GLIPR1L2: variants seen among roughly 807,000 people sequenced by gnomAD.
The protein encoded by GLIPR1L2 is GLIPR1-like protein 2.
GLIPR1L2 carries 21 observed loss-of-function variants against 28.4 expected under a neutral mutation model. The observed-to-expected ratio is 0.74, with a 90% CI of 0.52 to 1.06. GLIPR1L2 has a LOEUF of 1.06. Among genes scored for constraint, GLIPR1L2 ranks in the 50% least tolerant of loss-of-function variants. The probability of loss-of-function intolerance (pLI) is 0.00; values close to 1 mark genes in which losing one functional copy is unlikely to be tolerated. For missense variants in GLIPR1L2, 476 were observed against 416.9 expected (o/e 1.14, Z -1.23); for synonymous variants, 145 against 139.3 (o/e 1.04, Z -0.29).
At chr12:75,420,876 C>A (rs1434819741) in intron 3 of GLIPR1L2, among the ~76,000 whole-genome samples, 1 of 152,178 alleles carries the variant, frequency 6.6e-6, no homozygotes, top group Non-Finnish European at 1.5e-5. Context: ...AGAGGGGACT[C>A]ATTGTAGTCT....
intron 1 of GLIPR1L2, among the ~76,000 whole-genome samples, chr12:75,392,326 A>G (rs747708031): frequency 3.3e-5 from 5 of 152,136 alleles, no homozygotes; most frequent in Non-Finnish European, 7.4e-5. Context: ...CCACATCCTC[A>G]CTGATTTGGA....
chr12:75,424,301 C>A (rs2046011058), intron 4 of GLIPR1L2, among the ~76,000 whole-genome samples: 1 of 152,210 alleles, frequency 6.6e-6, no homozygotes, highest in Admixed American at 6.5e-5. Flanking sequence ...TTTTGATTTG[C>A]ATTTCTCTAA....
At chr12:75,414,401 G>A (rs895972534) in intron 3 of GLIPR1L2, among the ~76,000 whole-genome samples, 1 of 152,078 alleles carries the variant, frequency 6.6e-6, no homozygotes, top group East Asian at 1.9e-4. Context: ...TAAATAAACA[G>A]TAAGAATTGA....
chr12:75,396,191 A>T (rs949642188), intron 1 of GLIPR1L2, among the ~76,000 whole-genome samples: 2 of 151,878 alleles, frequency 1.3e-5, no homozygotes, highest in Admixed American at 6.6e-5. Flanking sequence ...TTGAGACAGG[A>T]TCTCACTCTC....
At chr12:75,393,626 TG>T (rs957877723) in intron 1 of GLIPR1L2, among the ~76,000 whole-genome samples, 8 of 152,148 alleles carry the variant, frequency 5.3e-5, no homozygotes, top group African/African-American at 1.9e-4. Flanking sequence ...TACCACATTT[TG>T]TTTATCCATT....
In GLIPR1L2 at chr12:75,394,763, CAAAAAA is replaced by C. The variant is rs71078727; in HGVS notation, c.234+3429_234+3434del. Among the ~76,000 whole-genome samples the C allele has an allele frequency of 7.5e-5, 6 of 80,252 alleles. No individual in the cohort carries two copies. In the South Asian group the frequency reaches 1.5e-3, roughly 20 times the overall value. 52.6% of individuals were successfully genotyped at this position (80,252 alleles called of 152,430 possible). A position where few individuals can be genotyped will look rare whatever the true frequency, so the allele number is the denominator to read the frequency against. ...TTTGAGATGTATTTTTGTATTTCTG[CAAAAAA>C]AAAAAAAAAAAAAAACATTATTGGG... On this transcript the variant is annotated intron_variant, in intron 1 of 5. Transcript: ENST00000550916.
intron 3 of GLIPR1L2, among the ~76,000 whole-genome samples, chr12:75,421,923 A>G (rs1329034004): frequency 1.3e-5 from 2 of 152,124 alleles, no homozygotes; most frequent in Non-Finnish European, 2.9e-5. Flanking sequence ...CTTTTTATGT[A>G]TTTGGGCCAA....
Position 75,413,623 on chromosome 12 carries a change from T to C in GLIPR1L2, c.506T>C (p.Val169Ala), listed in dbSNP as rs1315443961. 6.4e-7 allele frequency: 1 copy of C among 1,560,680 alleles called. No homozygotes were observed. Residue 169 changes from valine to alanine, a missense_variant, in exon 3 of 6, where the codon GTT becomes GCT. By Grantham distance (64) the Val-to-Ala change is moderately conservative. Coordinates refer to ENST00000550916, the MANE Select transcript of GLIPR1L2 (RefSeq NM_001270396.2). ...CTTGTTTGGGACCACTCTTACAAAG[T>C]TGGTTGTGCTGTTACTCCATGTTCA... ...IQLVWDHSYK[V>A]GCAVTPCSKI...
At chr12:75,411,862 CAG>C (rs1439839587) in intron 2 of GLIPR1L2, among the ~76,000 whole-genome samples, 1 of 151,862 alleles carries the variant, frequency 6.6e-6, no homozygotes, top group Non-Finnish European at 1.5e-5. Flanking sequence ...CAAAACAAAA[CAG>C]TACTTTTTGG....
chr12:75,420,287 T>C (rs2045963933), intron 3 of GLIPR1L2, among the ~76,000 whole-genome samples: 2 of 152,192 alleles, frequency 1.3e-5, no homozygotes, highest in Admixed American at 1.3e-4. Flanking sequence ...ATGAACAAGA[T>C]GGTGGCAGAT....
chr12:75,429,511 T>C (rs1034627428), intron 4 of GLIPR1L2, among the ~76,000 whole-genome samples: 1 of 152,152 alleles, frequency 6.6e-6, no homozygotes, highest in Non-Finnish European at 1.5e-5. Context: ...ACTTGGACTT[T>C]TGGGTGAATG....
At chr12:75,406,777 GAGAGAGAGAGAA>G (rs1566068081) in intron 1 of GLIPR1L2, among the ~76,000 whole-genome samples, 1 of 138,202 alleles carries the variant, frequency 7.2e-6, no homozygotes, top group Non-Finnish European at 1.6e-5. Context: ...AAAAAAAAGA[GAGAGAGAGAGAA>G]AGAGAGAGAG....
chr12:75,414,199 C>T (rs2045901879), intron 3 of GLIPR1L2, among the ~76,000 whole-genome samples: 1 of 151,954 alleles, frequency 6.6e-6, no homozygotes, highest in Non-Finnish European at 1.5e-5. Flanking sequence ...ATCTTTTAGT[C>T]AAGCTATTCA....
chr12:75,428,620 C>T (rs573035755), intron 4 of GLIPR1L2, among the ~76,000 whole-genome samples: 21 of 152,208 alleles, frequency 1.4e-4, no homozygotes, highest in Non-Finnish European at 5.9e-5. Context: ...ATGGGGAAAA[C>T]GTCTCCAGGA....
At chr12:75,430,560 A>T (rs1352854711) in intron 4 of GLIPR1L2, among the ~76,000 whole-genome samples, 155 bp from the exon 5 acceptor site, 4 of 152,238 alleles carry the variant, frequency 2.6e-5, no homozygotes, top group Non-Finnish European at 4.4e-5. Context: ...AAGAGAATAT[A>T]TTGTACTTTA....
At chr12:75,414,861 C>T (rs1022058776) in intron 3 of GLIPR1L2, among the ~76,000 whole-genome samples, 2 of 152,026 alleles carry the variant, frequency 1.3e-5, no homozygotes, top group Non-Finnish European at 2.9e-5. Context: ...CGCAAAAAGA[C>T]ACCACATTGA....
chr12:75,407,716 G>A (rs777685393), intron 1 of GLIPR1L2, among the ~76,000 whole-genome samples: 5 of 152,150 alleles, frequency 3.3e-5, no homozygotes, highest in African/African-American at 1.2e-4. Flanking sequence ...CAAATTCATT[G>A]TGTCTGATGA....
chr12:75,425,150 A>G (rs1246693257), intron 4 of GLIPR1L2, among the ~76,000 whole-genome samples: 2 of 152,134 alleles, frequency 1.3e-5, no homozygotes, highest in Non-Finnish European at 2.9e-5. Flanking sequence ...AAAGATGTCC[A>G]TGCAGGGATG....
In GLIPR1L2 at chr12:75,415,204, C is replaced by T. The variant is rs544183064; in HGVS notation, c.584+1503C>T. Among the ~76,000 whole-genome samples the T allele has an allele frequency of 1.7e-4, 26 of 152,156 alleles. 1 individual carries two copies. In the South Asian group the frequency reaches 5.2e-3, roughly 30 times the overall value. ...CAGCTAGACCAAATATAATAACATA[C>T]ATTATGTTAAAGATTTTGGAATTTA... On this transcript the variant is annotated intron_variant, in intron 3 of 5. Coordinates refer to ENST00000550916, the MANE Select transcript of GLIPR1L2 (RefSeq NM_001270396.2).
Sources: allele counts gnomAD v4.1 joint callset (sites outside exome capture counted in the v4.1 genomes callset), GRCh38; gene constraint gnomAD v4.1.1; transcripts MANE v1.5; gene names NCBI Gene and HGNC (gene_info 2026-07-23, HGNC 2026-07-21).